The following RBPJ variants were observed in gnomAD, a reference collection of about 807,000 sequenced individuals.
The protein encoded by RBPJ is recombining binding protein suppressor of hairless.
RBPJ carries 9 observed loss-of-function variants against 67.8 expected under a neutral mutation model. The ratio of observed to expected loss-of-function variants is 0.13; its 90% CI spans 0.08 to 0.23. The LOEUF is 0.23. Among genes scored for constraint, RBPJ ranks in the 10% least tolerant of loss-of-function variants. The probability of loss-of-function intolerance (pLI) is 1.00; values close to 1 mark genes in which losing one functional copy is unlikely to be tolerated. For synonymous variants in RBPJ, 198 were observed against 203.3 expected (o/e 0.97, Z 0.22); for missense variants, 305 against 595.6 (o/e 0.51, Z 5.08).
Position 26,230,381 on chromosome 4 carries a change from T to C in RBPJ, c.-167+66767T>C, listed in dbSNP as rs529941651. 3.6e-4 allele frequency among the ~76,000 whole-genome samples: 55 copies of C among 152,350 alleles called. No homozygotes were observed. The South Asian group carries it at 0.011, about 31-fold the overall frequency. The stretch of plus-strand genomic sequence containing the variant: ...TAATAACGATAACATCTAACTCTTA[T>C]GCAGTAGATACTGTAATATGCTAGG... On this transcript the variant is annotated intron_variant, in intron 1 of 4. Coordinates refer to the RBPJ transcript ENST00000512351.
intron 1 of RBPJ, among the ~76,000 whole-genome samples, chr4:26,340,509 AAAGTT>A (rs752628322): frequency 2.6e-5 from 4 of 152,186 alleles, no homozygotes; most frequent in Non-Finnish European, 1.5e-5. Context: ...GAGCTAAAGA[AAAGTT>A]AAGAGGATTC....
At chr4:26,291,868 G>A (rs551062068) in intron 1 of RBPJ, among the ~76,000 whole-genome samples, 6 of 150,962 alleles carry the variant, frequency 4.0e-5, no homozygotes, top group South Asian at 2.1e-4. Context: ...GAGTCACTGC[G>A]TCCAGCCCTT....
the RBPJ span, among the ~76,000 whole-genome samples, chr4:26,139,004 G>A: frequency 1.4e-3 from 209 of 152,312 alleles, 2 homozygotes; most frequent in Non-Finnish European, 2.7e-3. Flanking sequence ...CAACAATCCC[G>A]GACATCCAAA....
chr4:26,418,264 G>T lies in RBPJ; in HGVS notation c.322-2287G>T, dbSNP rs1329100727. 2.6e-5 allele frequency among the ~76,000 whole-genome samples: 4 copies of T among 152,116 alleles called. No individual in the cohort carries two copies. In the South Asian group the frequency reaches 8.3e-4, roughly 31 times the overall value. Reference sequence around the variant, plus strand: ...ATGCCATTTTCTCTTCTAGAATTCCGTTAGCTAATTTAACCTTTTGCAATA... The same window carrying T: ...ATGCCATTTTCTCTTCTAGAATTCCTTTAGCTAATTTAACCTTTTGCAATA... On this transcript the variant is annotated intron_variant, in intron 4 of 10. Transcript: ENST00000355476.
intron 1 of RBPJ, among the ~76,000 whole-genome samples, chr4:26,363,872 G>A (rs189417705): frequency 5.4e-4 from 82 of 152,188 alleles, no homozygotes; most frequent in Non-Finnish European, 2.4e-4. Context: ...TCTAGTCTTC[G>A]TAATACCTAC....
Position 26,403,118 on chromosome 4 carries a change from A to C in RBPJ, c.60-3057A>C, listed in dbSNP as rs73810226. 5.0e-3 allele frequency among the ~76,000 whole-genome samples: 764 copies of C among 152,164 alleles called. 10 individuals carry two copies. Among genetic ancestry groups the C allele is most frequent in the African/African-American group, 0.018 (742 of 41,514 alleles). On this transcript the variant is annotated intron_variant, in intron 2 of 10. Coordinates refer to ENST00000355476, the MANE Select transcript of RBPJ (RefSeq NM_015874.6). ...CGTATTTTTAAAAAACCTTAATGAG[A>C]TCTCTCATTGCCTTTCGTTTAGATT...
At chr4:26,352,177 C>T (rs1726877102) in intron 1 of RBPJ, among the ~76,000 whole-genome samples, 1 of 152,074 alleles carries the variant, frequency 6.6e-6, no homozygotes, top group South Asian at 2.1e-4. Context: ...AACAGAATAC[C>T]GTAAACTAGG....
chr4:26,346,984 T>C (rs1726223156), intron 1 of RBPJ, among the ~76,000 whole-genome samples: 1 of 150,702 alleles, frequency 6.6e-6, no homozygotes, highest in Admixed American at 6.6e-5. Flanking sequence ...AGAGCGAGAC[T>C]CCATCTCAAA....
At chr4:26,288,534 A>T (rs541403260) in intron 1 of RBPJ, among the ~76,000 whole-genome samples, 33 of 152,312 alleles carry the variant, frequency 2.2e-4, no homozygotes, top group African/African-American at 7.7e-4. Context: ...GCCACATTGA[A>T]TTCGCTAAAA....
At chr4:26,156,685 C>G in the RBPJ span, among the ~76,000 whole-genome samples, 1 of 151,980 alleles carries the variant, frequency 6.6e-6, no homozygotes, top group African/African-American at 2.4e-5. Flanking sequence ...GAACTCCTGA[C>G]CTCCGGTGAT....
In RBPJ at chr4:26,430,180, C is replaced by A; in HGVS notation, c.1044+127C>A. ...CGTCTGATTAGGGGATTTTTATATA[C>A]ACCATTTGTTGATTTAAAGAAAAAA... On this transcript the variant is annotated intron_variant, in intron 9 of 10. Transcript: ENST00000355476. The surrounding 1 kb of genome is among the most constrained non-coding windows in gnomAD (Gnocchi z 4.1). 8.9e-7 allele frequency: 1 copy of A among 1,118,852 alleles called. No individual in the cohort carries two copies. The highest frequency in any genetic ancestry group is 1.3e-6 in the Non-Finnish European group (1 of 757,570). The allele number at this position is 1,118,852 out of a possible 1,614,324, so 69.3% of individuals were successfully genotyped here.
At chr4:26,263,339 C>G (rs1453389512) in intron 1 of RBPJ, among the ~76,000 whole-genome samples, 1 of 125,348 alleles carries the variant, frequency 8.0e-6, no homozygotes, top group African/African-American at 2.9e-5. Flanking sequence ...TGCATCACTT[C>G]CACTTAGAGA....
chr4:26,302,799 A>C (rs948400229), intron 1 of RBPJ, among the ~76,000 whole-genome samples: 4 of 152,200 alleles, frequency 2.6e-5, no homozygotes, highest in African/African-American at 7.2e-5. Flanking sequence ...TCTTGGACTA[A>C]GTTGGCGCTC....
chr4:26,321,942 G>C (rs1262382028), intron 1 of RBPJ: 1 of 152,176 alleles, frequency 6.6e-6, no homozygotes, highest in Non-Finnish European at 1.5e-5. Context: ...TTTTTCTCGG[G>C]ATTTCTTGTA....
chr4:26,208,646 G>T (rs115705530), intron 1 of RBPJ, among the ~76,000 whole-genome samples: 25 of 152,242 alleles, frequency 1.6e-4, no homozygotes, highest in African/African-American at 5.5e-4. Flanking sequence ...TTGCTCCTTT[G>T]AATTAACAGA....
chr4:26,292,841 C>A (rs919876032), intron 1 of RBPJ, among the ~76,000 whole-genome samples: 1 of 150,456 alleles, frequency 6.6e-6, no homozygotes, highest in Non-Finnish European at 1.5e-5. Flanking sequence ...ATGTGTATCA[C>A]AATTTTTTAA....
chr4:26,239,023 T>C (rs1719546912), intron 1 of RBPJ, among the ~76,000 whole-genome samples: 1 of 151,952 alleles, frequency 6.6e-6, no homozygotes, highest in Non-Finnish European at 1.5e-5. Flanking sequence ...CAGACAACAA[T>C]TGAGGGATGG....
Position 26,400,322 on chromosome 4 carries a change from C to T in RBPJ, c.60-5853C>T, listed in dbSNP as rs1460861913. Reference sequence around the variant, plus strand: ...AGTTGTCATAATTCAAGGAAGGGTGCTACTGGCACCTGCAGGGTAAAAGAT... The same window carrying T: ...AGTTGTCATAATTCAAGGAAGGGTGTTACTGGCACCTGCAGGGTAAAAGAT... On this transcript the variant is annotated intron_variant, in intron 2 of 10. Coordinates refer to ENST00000355476, the MANE Select transcript of RBPJ (RefSeq NM_015874.6). Among the ~76,000 whole-genome samples the T allele has an allele frequency of 4.6e-5, 7 of 152,336 alleles. 1 individual carries two copies. Among genetic ancestry groups the T allele is most frequent in the Middle Eastern group, 6.8e-3 (2 of 294 alleles).
intron 3 of RBPJ, among the ~76,000 whole-genome samples, chr4:26,410,944 G>T (rs1733950222): frequency 6.6e-6 from 1 of 152,236 alleles, no homozygotes; most frequent in African/African-American, 2.4e-5. Context: ...TGCTAGGGAA[G>T]ATGAGAAAAT....
Sources: gnomAD v4.1 joint callset for allele counts (sites outside exome capture counted in the v4.1 genomes callset) on GRCh38, gnomAD v4.1.1 for gene constraint, Gnocchi (gnomAD v3.1) non-coding constraint, MANE v1.5 for transcripts, NCBI Gene and HGNC (gene_info 2026-07-23, HGNC 2026-07-21) for gene names.